The following CTDSPL2 variants were observed in gnomAD, a reference collection of about 807,000 sequenced individuals.
CTDSPL2 encodes CTD small phosphatase-like protein 2.
Under a neutral mutation model 60.0 loss-of-function variants are expected in CTDSPL2, and 5 were observed. The observed-to-expected ratio is 0.08, with a 90% CI of 0.04 to 0.18. The LOEUF (loss-of-function observed/expected upper bound fraction) is 0.18. Among genes scored for constraint, CTDSPL2 ranks in the 10% least tolerant of loss-of-function variants. The pLI, the probability that CTDSPL2 is intolerant of heterozygous loss-of-function variation, is 1.00. For missense variants in CTDSPL2, 370 were observed against 548.8 expected, an observed-to-expected ratio of 0.67 and a Z score of 3.26; for synonymous variants, 186 against 189.3, an observed-to-expected ratio of 0.98 and a Z score of 0.14.
At chr15:44,451,136 T>C (rs1251114853) in intron 1 of CTDSPL2, among the ~76,000 whole-genome samples, 1 of 152,200 alleles carries the variant, frequency 6.6e-6, no homozygotes, top group East Asian at 1.9e-4. Context: ...AGTCTCAGTC[T>C]GTTTCCCAGG....
chr15:44,486,104 G>GTT (rs1434245318), intron 3 of CTDSPL2, among the ~76,000 whole-genome samples: 1 of 152,166 alleles, frequency 6.6e-6, no homozygotes, highest in Non-Finnish European at 1.5e-5. Context: ...GTAGAGTTAT[G>GTT]TTGCCTCTAT....
chr15:44,509,351 A>C (rs998239918), intron 8 of CTDSPL2, among the ~76,000 whole-genome samples: 1 of 151,858 alleles, frequency 6.6e-6, no homozygotes, highest in African/African-American at 2.4e-5. Context: ...ACAGGCGTGC[A>C]CCACCACCAT....
chr15:44,445,753 T>A (rs1180772542), intron 1 of CTDSPL2, among the ~76,000 whole-genome samples: 1 of 151,862 alleles, frequency 6.6e-6, no homozygotes, highest in Non-Finnish European at 1.5e-5. Flanking sequence ...TTCTCCTGCC[T>A]CAGCCTCCCG....
In CTDSPL2 at chr15:44,461,880, A is replaced by G. The variant is rs574589862; in HGVS notation, c.186+2680A>G. Among the ~76,000 whole-genome samples, 49 of 152,286 alleles carry G rather than the reference A, an allele frequency of 3.2e-4. No homozygotes were observed. In the South Asian group the frequency reaches 8.9e-3, roughly 28 times the overall value. The stretch of plus-strand genomic sequence containing the variant: ...GGGTTGGTCTTTCTGTCACAGAGGT[A>G]GCAGAAAATTTGTGTATTAATGGAC... On this transcript the variant is annotated intron_variant, in intron 2 of 12. Coordinates refer to ENST00000260327, the MANE Select transcript of CTDSPL2 (RefSeq NM_016396.3).
intron 1 of CTDSPL2, among the ~76,000 whole-genome samples, chr15:44,456,888 C>G (rs8028509): frequency 0.14 from 12,265 of 86,128 alleles, 967 homozygotes; most frequent in East Asian, 0.31. Flanking sequence ...GTTTTTTTTT[C>G]TTTTTTTTGA....
chr15:44,440,587 T>C (rs2080065361), intron 1 of CTDSPL2, among the ~76,000 whole-genome samples: 1 of 152,192 alleles, frequency 6.6e-6, no homozygotes, highest in African/African-American at 2.4e-5. Context: ...TATTTGCGTC[T>C]TTTTTTCCTC....
At chr15:44,511,084 C>A (rs1237912473) in intron 8 of CTDSPL2, among the ~76,000 whole-genome samples, 4 of 152,158 alleles carry the variant, frequency 2.6e-5, no homozygotes, top group African/African-American at 7.2e-5. Context: ...TTCCCACTTT[C>A]CTCCCTCATT....
At chr15:44,466,207 G>T (rs2080687574) in intron 2 of CTDSPL2, among the ~76,000 whole-genome samples, 1 of 152,120 alleles carries the variant, frequency 6.6e-6, no homozygotes. Context: ...AAAGTGCTGG[G>T]ATTACAGGCG....
At chr15:44,435,827 G>A (rs1022358658) in intron 1 of CTDSPL2, among the ~76,000 whole-genome samples, 1 of 151,892 alleles carries the variant, frequency 6.6e-6, no homozygotes, top group Non-Finnish European at 1.5e-5. Context: ...GGCTGGTCTC[G>A]AACTCCAGAC....
intron 1 of CTDSPL2, among the ~76,000 whole-genome samples, chr15:44,444,166 AG>A (rs1347602920): frequency 6.6e-6 from 1 of 152,036 alleles, no homozygotes; most frequent in East Asian, 1.9e-4. Context: ...GTGGGATTAT[AG>A]GTGTGAGCCA....
intron 4 of CTDSPL2, among the ~76,000 whole-genome samples, chr15:44,487,176 G>T (rs755936462): frequency 3.3e-5 from 5 of 152,192 alleles, no homozygotes; most frequent in African/African-American, 1.2e-4. Context: ...CTTGGGAGCT[G>T]GGTGTGGTGG....
intron 2 of CTDSPL2, among the ~76,000 whole-genome samples, chr15:44,468,223 A>C (rs992586088): frequency 6.6e-6 from 1 of 152,028 alleles, no homozygotes; most frequent in Admixed American, 6.6e-5. Flanking sequence ...ACTGTAATTT[A>C]GTTTCTCTAA....
chr15:44,442,514 T>G (rs1017840876), intron 1 of CTDSPL2, among the ~76,000 whole-genome samples: 1 of 152,058 alleles, frequency 6.6e-6, no homozygotes, highest in East Asian at 1.9e-4. Context: ...TAGCACTTGG[T>G]GTACCTGACA....
intron 2 of CTDSPL2, among the ~76,000 whole-genome samples, chr15:44,460,492 G>A (rs968794242): frequency 3.3e-5 from 5 of 152,054 alleles, no homozygotes; most frequent in Non-Finnish European, 7.4e-5. Context: ...CTATTTTTGT[G>A]TTCTTAGAAT....
intron 2 of CTDSPL2, among the ~76,000 whole-genome samples, chr15:44,465,621 GA>G (rs907410984): frequency 4.6e-5 from 7 of 151,266 alleles, no homozygotes; most frequent in African/African-American, 1.7e-4. Flanking sequence ...TTCTTAGTTT[GA>G]AAAACATGAT....
intron 8 of CTDSPL2, among the ~76,000 whole-genome samples, chr15:44,508,685 G>A (rs956998980): frequency 6.6e-6 from 1 of 152,190 alleles, no homozygotes; most frequent in African/African-American, 2.4e-5. Context: ...CACTTTGGGA[G>A]GCTGAGGCGG....
chr15:44,461,573 CTTTTTTTTTTTTTTT>C (rs35540014), intron 2 of CTDSPL2, among the ~76,000 whole-genome samples: 1 of 125,656 alleles, frequency 8.0e-6, no homozygotes, highest in African/African-American at 3.0e-5. Context: ...GTTTCTCTCC[CTTTTTTTTTTTTTTT>C]TTTTTTTTTA....
In CTDSPL2 at chr15:44,466,655, TACTG is replaced by T. The variant is rs1245744551; in HGVS notation, c.186+7457_186+7460del. On this transcript the variant is annotated intron_variant, in intron 2 of 12. Coordinates refer to ENST00000260327, the MANE Select transcript of CTDSPL2 (RefSeq NM_016396.3). ...TACAAACCTGTACAGAATGTTACTG[TACTG>T]ATTGGCCGGGCGCGGTGGCTCATGC... is the stretch of plus-strand genomic sequence containing the variant. 2.0e-5 allele frequency among the ~76,000 whole-genome samples: 3 copies of T among 152,150 alleles called. No individual in the cohort carries two copies. In the East Asian group the frequency reaches 5.8e-4, roughly 29 times the overall value.
At chr15:44,503,442 CACCAA>C in intron 8 of CTDSPL2, 1 of 152,094 alleles carries the variant, frequency 6.6e-6, no homozygotes, top group Non-Finnish European at 1.5e-5. Context: ...CCTGCAGATC[CACCAA>C]TTCAAGACTC....
Sources: gnomAD v4.1 joint callset for allele counts (sites outside exome capture counted in the v4.1 genomes callset) on GRCh38, gnomAD v4.1.1 for gene constraint, MANE v1.5 for transcripts, NCBI Gene and HGNC (gene_info 2026-07-23, HGNC 2026-07-21) for gene names.